DOCK3: variants seen among roughly 807,000 people sequenced by gnomAD.
DOCK3 encodes dedicator of cytokinesis protein 3.
DOCK3 carries 60 observed loss-of-function variants against 265.6 expected under a neutral mutation model. That is an observed-to-expected ratio of 0.23 (90% CI 0.18 to 0.28). DOCK3 has a LOEUF of 0.28. Ranked by LOEUF, DOCK3 falls within the 10% of genes least tolerant of loss-of-function variation. The pLI is 1.00. For synonymous variants in DOCK3, 881 were observed against 938.0 expected (o/e 0.94, Z 1.11); for missense variants, 1,981 against 2,594.3 (o/e 0.76, Z 5.14).
chr3:50,677,078 T>G (rs7629126), intron 1 of DOCK3, among the ~76,000 whole-genome samples: 149,274 of 152,334 alleles, frequency 0.98, 73,223 homozygotes, highest in Middle Eastern at 1. Flanking sequence ...AGGATTGTGT[T>G]TTTAGCTTTA....
intron 3 of DOCK3, among the ~76,000 whole-genome samples, chr3:50,868,314 C>T (rs1429190283): frequency 3.9e-5 from 6 of 152,026 alleles, no homozygotes; most frequent in Admixed American, 6.6e-5. Context: ...CCTCGTGATC[C>T]GCCCACCTCG....
At chr3:51,222,124 G>T (rs2090126147) in intron 14 of DOCK3, among the ~76,000 whole-genome samples, 1 of 152,130 alleles carries the variant, frequency 6.6e-6, no homozygotes, top group Non-Finnish European at 1.5e-5. Flanking sequence ...AATCATCCAG[G>T]CACTGGTATG....
chr3:51,063,252 C>T (rs1368450331), intron 5 of DOCK3, among the ~76,000 whole-genome samples: 1 of 152,020 alleles, frequency 6.6e-6, no homozygotes, highest in African/African-American at 2.4e-5. Context: ...TAATCCGAGC[C>T]ACTCAGGAGG....
At chr3:50,881,201 C>A (rs1004398033) in intron 3 of DOCK3, 4 of 152,130 alleles carry the variant, frequency 2.6e-5, no homozygotes, top group Non-Finnish European at 4.4e-5. Context: ...GGAAGCATTC[C>A]CTTTGAAAAC....
At chr3:51,354,850 A>C in intron 40 of DOCK3, 32 bp from the exon 41 acceptor site, 2 of 1,607,376 alleles carry the variant, frequency 1.2e-6, no homozygotes, top group Non-Finnish European at 1.7e-6. Flanking sequence ...CAAGCAAAGC[A>C]TACATAGAGT....
rs566220084 is a variant in DOCK3 at position 50,880,148 on chromosome 3, T to G, written c.163-9878T>G. Among the ~76,000 whole-genome samples, 9 of 152,218 alleles carry G rather than the reference T, an allele frequency of 5.9e-5. No homozygotes were observed. The South Asian group carries it at 1.5e-3, about 25-fold the overall frequency. On this transcript the variant is annotated intron_variant, in intron 3 of 52. Transcript: ENST00000266037. The stretch of plus-strand genomic sequence containing the variant: ...TTTAAAGCAGTGTGTAGAGGGAAAT[T>G]TATAGCACTAAATGCCCACAAGAGA...
chr3:50,810,132 C>T (rs1576503762), intron 2 of DOCK3, among the ~76,000 whole-genome samples: 1 of 151,988 alleles, frequency 6.6e-6, no homozygotes, highest in Non-Finnish European at 1.5e-5. Flanking sequence ...GAGAACCTGT[C>T]TCAAAAAAAT....
At chr3:50,765,368 G>A (rs1322340981) in intron 1 of DOCK3, among the ~76,000 whole-genome samples, 2 of 152,094 alleles carry the variant, frequency 1.3e-5, no homozygotes, top group African/African-American at 2.4e-5. Context: ...ACAGGCATGA[G>A]CCTCCACGTC....
chr3:50,838,195 T>A (rs1235399641), intron 2 of DOCK3, among the ~76,000 whole-genome samples: 1 of 152,160 alleles, frequency 6.6e-6, no homozygotes, highest in Non-Finnish European at 1.5e-5. Flanking sequence ...AGCAAGTTAC[T>A]GAGGAAGGGA....
At position 51,208,855 on chromosome 3, in the gene DOCK3, C is replaced by T; in HGVS notation, c.1119C>T (p.Ala373=). The T allele has an allele frequency of 6.2e-7, 1 of 1,610,314 alleles. No individual in the cohort carries two copies. The highest frequency in any genetic ancestry group is 8.5e-7 in the Non-Finnish European group (1 of 1,178,442). Reference sequence around the variant, plus strand: ...GTGCCAAGTACTCTGCCCCCAGCGCCAGCCATGGTGAGATACTTCTCTGAC... The same window carrying T: ...GTGCCAAGTACTCTGCCCCCAGCGCTAGCCATGGTGAGATACTTCTCTGAC... The part of the protein sequence containing the change: ...KSSAKYSAPS[A]SHGLIISLQL... The change falls in exon 13 of 53, where the codon GCC becomes GCT. Residue 373 remains alanine, a synonymous_variant. Coordinates refer to ENST00000266037, the MANE Select transcript of DOCK3 (RefSeq NM_004947.5).
chr3:50,761,060 G>A (rs1180491549), intron 1 of DOCK3, among the ~76,000 whole-genome samples: 4 of 151,542 alleles, frequency 2.6e-5, no homozygotes, highest in Non-Finnish European at 5.9e-5. Flanking sequence ...GATTACAGGC[G>A]TGAGCCACCG....
intron 3 of DOCK3, among the ~76,000 whole-genome samples, chr3:50,872,248 G>A (rs2047467031): frequency 6.6e-6 from 1 of 152,208 alleles, no homozygotes; most frequent in Non-Finnish European, 1.5e-5. Context: ...TCTGCTTTAG[G>A]GGGGACCCCA....
At chr3:51,024,812 A>G (rs138254043) in intron 5 of DOCK3, among the ~76,000 whole-genome samples, 1 of 152,320 alleles carries the variant, frequency 6.6e-6, no homozygotes, top group Non-Finnish European at 1.5e-5. Flanking sequence ...TTGGTTGTAG[A>G]TAGGCTTAGT....
intron 5 of DOCK3, among the ~76,000 whole-genome samples, chr3:51,042,570 A>G (rs529176619): frequency 3.9e-5 from 6 of 152,330 alleles, no homozygotes; most frequent in South Asian, 4.1e-4. Context: ...CCTGTTCGAC[A>G]TAATATTGGA....
intron 1 of DOCK3, among the ~76,000 whole-genome samples, chr3:50,696,447 G>A (rs2035621852): frequency 6.6e-6 from 1 of 152,226 alleles, no homozygotes; most frequent in Admixed American, 6.5e-5. Flanking sequence ...ATGGATAGAA[G>A]TAGGATGTGC....
chr3:51,093,028 A>G (rs1353099697), intron 9 of DOCK3, among the ~76,000 whole-genome samples: 2 of 152,082 alleles, frequency 1.3e-5, no homozygotes, highest in African/African-American at 4.8e-5. Flanking sequence ...CTTCTGTTCC[A>G]TTGGCCTATA....
intron 5 of DOCK3, among the ~76,000 whole-genome samples, chr3:51,029,995 C>T (rs1233215532): frequency 6.6e-6 from 1 of 152,040 alleles, no homozygotes; most frequent in Admixed American, 6.6e-5. Context: ...CAGAGGCGCT[C>T]TCCAGCAGTT....
intron 1 of DOCK3, among the ~76,000 whole-genome samples, chr3:50,726,914 A>G (rs926543850): frequency 6.6e-6 from 1 of 152,226 alleles, no homozygotes; most frequent in African/African-American, 2.4e-5. Context: ...AAAAGAAAGA[A>G]TAGAACCTTT....
At chr3:50,770,591 A>G (rs777582935) in intron 1 of DOCK3, among the ~76,000 whole-genome samples, 11 of 152,174 alleles carry the variant, frequency 7.2e-5, no homozygotes, top group Non-Finnish European at 1.3e-4. Flanking sequence ...AGAAAAAAAA[A>G]TGTAAAATTT....
Sources: gnomAD v4.1 joint callset for allele counts (sites outside exome capture counted in the v4.1 genomes callset) on GRCh38, gnomAD v4.1.1 for gene constraint, MANE v1.5 for transcripts, NCBI Gene and HGNC (gene_info 2026-07-23, HGNC 2026-07-21) for gene names.